Variants in SV2B observed in about 807,000 individuals in gnomAD.
SV2B encodes the protein solute carrier family 22 member B2.
Under a neutral mutation model 73.9 loss-of-function variants are expected in SV2B, and 41 were observed. The ratio of observed to expected loss-of-function variants is 0.56; its 90% confidence interval spans 0.43 to 0.72. The LOEUF is 0.72. SV2B is among the 30% of genes least tolerant of loss of function. SV2B has a pLI of 0.00. For synonymous variants in SV2B, 314 were observed against 314.2 expected (o/e 1.00, Z 0.01); for missense variants, 764 against 857.8 (o/e 0.89, Z 1.37).
rs1338423931 is a variant in SV2B, at chr15:91,110,921, C to A, written c.-392+10558C>A. 6.6e-6 allele frequency among the ~76,000 whole-genome samples: 1 copy of A among 151,576 alleles called. No individual in the cohort carries two copies. The highest frequency in any genetic ancestry group is 1.5e-5 in the Non-Finnish European group (1 of 67,822). On this transcript the variant is annotated intron_variant, in intron 1 of 12. Coordinates refer to ENST00000394232, the MANE Select transcript of SV2B (RefSeq NM_001323032.3). The surrounding 1 kb of genome is among the most constrained non-coding windows in gnomAD (Gnocchi z 5.4). Reference sequence around the variant, plus strand: ...TAGGGTAGCAATGTAAAGGCAGTAGCTTGAAACTTAAGGCAAAGAAGAGAA... The same window carrying A: ...TAGGGTAGCAATGTAAAGGCAGTAGATTGAAACTTAAGGCAAAGAAGAGAA...
rs1466460715 is a variant in SV2B, at chr15:91,290,955, AG to A, written c.1868+1276del. On this transcript the variant is annotated intron_variant, in intron 12 of 12. Coordinates refer to ENST00000394232, the MANE Select transcript of SV2B (RefSeq NM_001323032.3). This position sits in a 1 kb window ranked among gnomAD's most constrained non-coding sequence, Gnocchi z 4.7. ...GAGAGCCCCGGGGTTTCAGGGTTAC[AG>A]TGAGCTAGGATCACAACACTGCACA... 4.6e-5 allele frequency among the ~76,000 whole-genome samples: 7 copies of A among 152,080 alleles called. No homozygotes were observed. The highest frequency in any genetic ancestry group is 1.4e-4 in the African/African-American group (6 of 41,480).
In SV2B at chr15:91,129,979, C is replaced by G. The variant is rs1418167595; in HGVS notation, c.-392+29616C>G. On this transcript the variant is annotated intron_variant, in intron 1 of 12. Coordinates refer to ENST00000394232, the MANE Select transcript of SV2B (RefSeq NM_001323032.3). This position sits in a 1 kb window ranked among gnomAD's most constrained non-coding sequence, Gnocchi z 5.1. ...AGCAAAGGGAGGTGATATTAACAACCATTCCAAGGAGATGGCCGTCAACGC... is the reference window on the plus strand; with the variant it reads ...AGCAAAGGGAGGTGATATTAACAACGATTCCAAGGAGATGGCCGTCAACGC... Among the ~76,000 whole-genome samples the G allele has an allele frequency of 6.6e-6, 1 of 152,192 alleles. No individual in the cohort carries two copies. Among genetic ancestry groups the G allele is most frequent in the African/African-American group, 2.4e-5 (1 of 41,440 alleles).
rs1048407303 is a variant in SV2B, at chr15:91,295,708, T to A, written c.*3156T>A. 9 of 152,232 alleles carry A rather than the reference T, an allele frequency of 5.9e-5. No homozygotes were observed. Among genetic ancestry groups the A allele is most frequent in the African/African-American group, 2.2e-4 (9 of 41,454 alleles). 9.4% of individuals were successfully genotyped at this position (152,232 alleles called of 1,614,324 possible). A position where few individuals can be genotyped will look rare whatever the true frequency, so the allele number is the denominator to read the frequency against. ...CTGAGACCATTCATTGACTATTCCC[T>A]TGATGGCTTTACTATAATGAGAGGA... On this transcript the variant is annotated 3_prime_UTR_variant, in exon 13 of 13. Coordinates refer to ENST00000394232, the MANE Select transcript of SV2B (RefSeq NM_001323032.3).
At chr15:91,264,053 C>G (rs1276834120) in intron 6 of SV2B, among the ~76,000 whole-genome samples, 6 of 152,252 alleles carry the variant, frequency 3.9e-5, no homozygotes, top group African/African-American at 9.6e-5. Context: ...TCCTTCCCAC[C>G]CTGTTCTGCC....
rs3082230 is a variant in SV2B, at chr15:91,276,805, GTTA to G, written c.1374-4893_1374-4891del. On this transcript the variant is annotated intron_variant, in intron 9 of 12. Transcript: ENST00000394232. ...TTCCAGTATTTATATTATTGTTGTT[GTTA>G]TTATTATTATTATTATTATTATTAT... Among the ~76,000 whole-genome samples the G allele has an allele frequency of 6.4e-3, 590 of 92,062 alleles. 12 individuals are homozygous for G. In the East Asian group the frequency reaches 0.068, roughly 11 times the overall value. The allele number at this position is 92,062 out of a possible 152,430, so 60.4% of individuals were successfully genotyped here.
intron 1 of SV2B, among the ~76,000 whole-genome samples, chr15:91,191,041 C>T (rs1027703310): frequency 1.6e-5 from 2 of 127,032 alleles, no homozygotes; most frequent in African/African-American, 2.8e-5. Context: ...AGATGGTTAC[C>T]CTGGTGGTTT....
Position 91,158,686 on chromosome 15 carries a change from CT to C in SV2B, c.-392+58325del, listed in dbSNP as rs1192847659. 7.1e-3 allele frequency among the ~76,000 whole-genome samples: 580 copies of C among 81,700 alleles called. 12 individuals carry two copies. Among genetic ancestry groups the C allele is most frequent in the Middle Eastern group, 0.016 (3 of 188 alleles). 53.6% of individuals were successfully genotyped at this position (81,700 alleles called of 152,430 possible). A position where few individuals can be genotyped will look rare whatever the true frequency, so the allele number is the denominator to read the frequency against. ...CTTCTCTTCTCTTCTCTTCTCTTCT[CT>C]TCTCTTCTCTTCTCTCCTCTCCTCT... On this transcript the variant is annotated intron_variant, in intron 1 of 12. Transcript: ENST00000394232.
At chr15:91,286,521 G>A (rs1267857363) in intron 11 of SV2B, among the ~76,000 whole-genome samples, 1 of 152,194 alleles carries the variant, frequency 6.6e-6, no homozygotes, top group East Asian at 1.9e-4. Flanking sequence ...GAGACAGACA[G>A]TATCCCTGTG....
chr15:91,131,663 C>G (rs571102437), intron 1 of SV2B, among the ~76,000 whole-genome samples: 1 of 145,684 alleles, frequency 6.9e-6, no homozygotes, highest in Non-Finnish European at 1.5e-5. Context: ...AAAAAAAAAA[C>G]AAAAAAAACA....
intron 1 of SV2B, among the ~76,000 whole-genome samples, chr15:91,212,595 G>T (rs1351009298): frequency 6.6e-6 from 1 of 152,118 alleles, no homozygotes; most frequent in Non-Finnish European, 1.5e-5. Flanking sequence ...TACAGTAAGT[G>T]CTCTTTGTTG....
intron 11 of SV2B, among the ~76,000 whole-genome samples, chr15:91,285,811 G>T (rs1268138654): frequency 6.6e-6 from 1 of 152,042 alleles, no homozygotes; most frequent in Non-Finnish European, 1.5e-5. Flanking sequence ...GCTGGGGTGG[G>T]TGCCCATGTC....
chr15:91,243,198 A>T (rs553380867), intron 2 of SV2B, among the ~76,000 whole-genome samples: 2 of 152,298 alleles, frequency 1.3e-5, no homozygotes, highest in East Asian at 3.8e-4. Context: ...ACTGAGCCTC[A>T]TTGGGTTATG....
At chr15:91,104,175 T>G (rs1207314189) in intron 1 of SV2B, among the ~76,000 whole-genome samples, 1 of 152,226 alleles carries the variant, frequency 6.6e-6, no homozygotes, top group Non-Finnish European at 1.5e-5. Flanking sequence ...TTCTCACATG[T>G]CTCTTGGTTG....
Position 91,136,941 on chromosome 15 carries a change from G to A in SV2B, c.-392+36578G>A, listed in dbSNP as rs1596462855. ...ACTTACCTTGACCGGGATTTTGGCA[G>A]ATGAAGGAAAAACTATCTGCTCCTG... On this transcript the variant is annotated intron_variant, in intron 1 of 12. Transcript: ENST00000394232. The surrounding 1 kb of genome is among the most constrained non-coding windows in gnomAD (Gnocchi z 5.6). Among the ~76,000 whole-genome samples, 1 of 152,188 alleles carries A rather than the reference G, an allele frequency of 6.6e-6. No homozygotes were observed. Among genetic ancestry groups the A allele is most frequent in the Admixed American group, 6.5e-5 (1 of 15,288 alleles).
chr15:91,219,159 G>A (rs544194896), intron 1 of SV2B, among the ~76,000 whole-genome samples: 4 of 152,226 alleles, frequency 2.6e-5, no homozygotes, highest in African/African-American at 9.6e-5. Context: ...ATGTTGCCCA[G>A]GCTTGTCTCA....
rs1460059145 is a variant in SV2B, at chr15:91,294,204, T to C, written c.*1652T>C. The C allele has an allele frequency of 6.6e-6, 1 of 152,238 alleles. No individual in the cohort carries two copies. The highest frequency in any genetic ancestry group is 1.5e-5 in the Non-Finnish European group (1 of 68,048). The allele number at this position is 152,238 out of a possible 1,614,324, so 9.4% of individuals were successfully genotyped here. The stretch of plus-strand genomic sequence containing the variant: ...ATAATAATGGCTATATCGAGTGTTT[T>C]CTCAGTATTGGAGAAATGCTTAGGT... On this transcript the variant is annotated 3_prime_UTR_variant, in exon 13 of 13. Transcript: ENST00000394232. This position sits in a 1 kb window ranked among gnomAD's most constrained non-coding sequence, Gnocchi z 4.1.
At chr15:91,109,194 C>T (rs972238017) in intron 1 of SV2B, among the ~76,000 whole-genome samples, 4 of 152,202 alleles carry the variant, frequency 2.6e-5, no homozygotes, top group Admixed American at 2.6e-4. Context: ...AAAGTGGATG[C>T]ACAATCTCAT....
At chr15:91,190,558 C>A (rs2044970968) in intron 1 of SV2B, among the ~76,000 whole-genome samples, 1 of 152,112 alleles carries the variant, frequency 6.6e-6, no homozygotes, top group African/African-American at 2.4e-5. Context: ...CTATTTCATT[C>A]TGTTCTAAGT....
chr15:91,101,476 G>C (rs967127929), intron 1 of SV2B, among the ~76,000 whole-genome samples: 3 of 152,128 alleles, frequency 2.0e-5, no homozygotes, highest in Non-Finnish European at 4.4e-5. Context: ...TGGGGATGCA[G>C]AGATGATGAT....
Sources: allele counts gnomAD v4.1 joint callset (sites outside exome capture counted in the v4.1 genomes callset), GRCh38; gene constraint gnomAD v4.1.1; non-coding constraint Gnocchi (gnomAD v3.1); transcripts MANE v1.5; gene names NCBI Gene and HGNC (gene_info 2026-07-23, HGNC 2026-07-21).